ITPK1: variants seen among roughly 807,000 people sequenced by gnomAD.
The protein encoded by ITPK1 is inositol-tetrakisphosphate 1-kinase, also known as inositol 1,3,4-trisphosphate 5/6-kinase.
ITPK1 carries 21 observed loss-of-function variants against 45.3 expected under a neutral mutation model. The ratio of observed to expected loss-of-function variants is 0.46; its 90% CI spans 0.33 to 0.67. The LOEUF (loss-of-function observed/expected upper bound fraction) is 0.67. Among genes scored for constraint, ITPK1 ranks in the 30% least tolerant of loss-of-function variants. ITPK1 has a pLI of 0.02. For synonymous variants in ITPK1, 258 were observed against 253.6 expected (o/e 1.02, Z -0.16); for missense variants, 474 against 573.5 (o/e 0.83, Z 1.77).
intron 3 of ITPK1, among the ~76,000 whole-genome samples, chr14:93,042,242 C>G (rs1889590252): frequency 6.6e-6 from 1 of 152,222 alleles, no homozygotes. Flanking sequence ...CACGTTTTCT[C>G]TACTCCGCCA....
Position 92,939,728 on chromosome 14 carries a change from A to AC in ITPK1, c.*1832dup. ...AACACAGCCAGGAGTCACGCTGCAC[A>AC]CCCCCACCCGTACCTGAGGCAGACT... On this transcript the variant is annotated 3_prime_UTR_variant, in exon 11 of 11. Coordinates refer to ENST00000267615, the MANE Select transcript of ITPK1 (RefSeq NM_014216.6). 1.0e-6 allele frequency: 1 copy of AC among 985,238 alleles called. No homozygotes were observed. The highest frequency in any genetic ancestry group is 1.2e-6 in the Non-Finnish European group (1 of 829,902). The allele number at this position is 985,238 out of a possible 1,614,324, so 61.0% of individuals were successfully genotyped here.
intron 4 of ITPK1, among the ~76,000 whole-genome samples, chr14:92,995,878 CCT>C (rs886325438): frequency 2.6e-5 from 4 of 152,226 alleles, no homozygotes; most frequent in African/African-American, 9.6e-5. Flanking sequence ...ACACCCAGTG[CCT>C]CTCTCCTGAC....
chr14:93,086,087 C>A (rs1022834613), intron 2 of ITPK1, among the ~76,000 whole-genome samples: 1 of 152,116 alleles, frequency 6.6e-6, no homozygotes, highest in African/African-American at 2.4e-5. Flanking sequence ...CATTTAGTAT[C>A]AGCCTAATGA....
intron 2 of ITPK1, among the ~76,000 whole-genome samples, chr14:93,104,469 A>G (rs909796151): frequency 6.6e-6 from 1 of 152,156 alleles, no homozygotes; most frequent in African/African-American, 2.4e-5. Context: ...TCTCAAAAAA[A>G]AAAAGAACAG....
chr14:93,098,224 A>C (rs1463781742), intron 2 of ITPK1, among the ~76,000 whole-genome samples: 2 of 152,142 alleles, frequency 1.3e-5, no homozygotes, highest in Admixed American at 1.3e-4. Context: ...TGGGAGGCCA[A>C]GACAGGCAGA....
chr14:93,034,605 C>A lies in ITPK1; in HGVS notation c.121-17804G>T, dbSNP rs1451587415. Reference sequence around the variant, plus strand: ...CTGAGCTGCCTGGGGGCCCCTGGGACCTCCCACATCCTGCATGAAGGTGGG... The same window carrying A: ...CTGAGCTGCCTGGGGGCCCCTGGGAACTCCCACATCCTGCATGAAGGTGGG... On this transcript the variant is annotated intron_variant, in intron 3 of 10. Coordinates refer to ENST00000267615, the MANE Select transcript of ITPK1 (RefSeq NM_014216.6). This position sits in a 1 kb window ranked among gnomAD's most constrained non-coding sequence, Gnocchi z 4.1. 6.6e-6 allele frequency among the ~76,000 whole-genome samples: 1 copy of A among 152,166 alleles called. No individual in the cohort carries two copies. Among genetic ancestry groups the A allele is most frequent in the East Asian group, 1.9e-4 (1 of 5,178 alleles).
chr14:92,968,736 C>T lies in ITPK1; in HGVS notation c.365-5887G>A, dbSNP rs563369946. 1.2e-4 allele frequency among the ~76,000 whole-genome samples: 18 copies of T among 152,338 alleles called. No homozygotes were observed. The South Asian group carries it at 3.1e-3, about 26-fold the overall frequency. On this transcript the variant is annotated intron_variant, in intron 5 of 10. Transcript: ENST00000267615. ...ATTGGGTGGCCAGGAAAGGTCTGCA[C>T]GGTCATTCTTGTTCATTCGTCCCAG...
intron 7 of ITPK1, among the ~76,000 whole-genome samples, chr14:92,960,224 G>A (rs1351515974): frequency 6.6e-6 from 1 of 152,190 alleles, no homozygotes; most frequent in African/African-American, 2.4e-5. Context: ...CTGGAGCCAG[G>A]CGGCTAGAAT....
chr14:93,051,770 C>T (rs1002159069), intron 3 of ITPK1, among the ~76,000 whole-genome samples: 3 of 152,224 alleles, frequency 2.0e-5, no homozygotes, highest in Non-Finnish European at 2.9e-5. Context: ...CCACCCTGTG[C>T]CTCCAAATGT....
At chr14:93,037,795 G>A (rs1406032791) in intron 3 of ITPK1, among the ~76,000 whole-genome samples, 1 of 152,250 alleles carries the variant, frequency 6.6e-6, no homozygotes, top group East Asian at 1.9e-4. Flanking sequence ...AAGTAATACA[G>A]CTTTTCAAAA....
At position 93,016,544 on chromosome 14, in the gene ITPK1, G is replaced by A; in HGVS notation, c.246+132C>T. ...CTGCCCACGAGCCCATGTCTTGCCA[G>A]TGGCAGAGCCATTTCTCCAGACTAT... On this transcript the variant is annotated intron_variant, in intron 4 of 10. Transcript: ENST00000267615. The surrounding 1 kb of genome is among the most constrained non-coding windows in gnomAD (Gnocchi z 5.0). The A allele has an allele frequency of 9.6e-7, 1 of 1,037,904 alleles. No homozygotes were observed. Among genetic ancestry groups the A allele is most frequent in the Non-Finnish European group, 1.4e-6 (1 of 708,354 alleles). 64.3% of individuals were successfully genotyped at this position (1,037,904 alleles called of 1,614,324 possible).
chr14:93,008,996 C>G (rs964988921), intron 4 of ITPK1, among the ~76,000 whole-genome samples: 10 of 152,148 alleles, frequency 6.6e-5, no homozygotes, highest in African/African-American at 2.4e-4. Flanking sequence ...CCATCTCTTA[C>G]AAAATGCAGT....
At chr14:93,023,867 C>G (rs192905991) in intron 3 of ITPK1, among the ~76,000 whole-genome samples, 238 of 152,280 alleles carry the variant, frequency 1.6e-3, no homozygotes, top group African/African-American at 5.6e-3. Flanking sequence ...TCCCCTCAAC[C>G]TGCCAGATGA....
Position 92,958,456 on chromosome 14 carries a change from C to T in ITPK1, c.505-90G>A. 7.9e-7 allele frequency: 1 copy of T among 1,259,846 alleles called. No individual in the cohort carries two copies. Among genetic ancestry groups the T allele is most frequent in the South Asian group, 1.3e-5 (1 of 74,916 alleles). 78.0% of individuals were successfully genotyped at this position (1,259,846 alleles called of 1,614,324 possible). The stretch of plus-strand genomic sequence containing the variant: ...GTGTGTCACCTGTCCAGAGCACCTC[C>T]ACCAAGGCCCATCCCTGGTCCTGTG... On this transcript the variant is annotated intron_variant, in intron 7 of 10. Coordinates refer to ENST00000267615, the MANE Select transcript of ITPK1 (RefSeq NM_014216.6). This position sits in a 1 kb window ranked among gnomAD's most constrained non-coding sequence, Gnocchi z 4.4.
At chr14:92,951,006 C>G (rs1206448034) in intron 9 of ITPK1, among the ~76,000 whole-genome samples, 4 of 152,246 alleles carry the variant, frequency 2.6e-5, no homozygotes, top group Non-Finnish European at 4.4e-5. Flanking sequence ...GACAGACAGA[C>G]AGGCCATCTG....
Position 93,016,883 on chromosome 14 carries a change from A to C in ITPK1, c.121-82T>G. 1 of 1,568,114 alleles carries C rather than the reference A, an allele frequency of 6.4e-7. No homozygotes were observed. The highest frequency in any genetic ancestry group is 8.7e-7 in the Non-Finnish European group (1 of 1,154,928). ...CCCATCCTCTTGTCCACCCTGGGGCATATCACCAGAGGACCCTCGAGCCTC... is the reference window on the plus strand; with the variant it reads ...CCCATCCTCTTGTCCACCCTGGGGCCTATCACCAGAGGACCCTCGAGCCTC... On this transcript the variant is annotated intron_variant, in intron 3 of 10. Transcript: ENST00000267615. The surrounding 1 kb of genome is among the most constrained non-coding windows in gnomAD (Gnocchi z 5.0).
At chr14:93,019,606 G>A (rs568547137) in intron 3 of ITPK1, among the ~76,000 whole-genome samples, 1 of 152,328 alleles carries the variant, frequency 6.6e-6, no homozygotes, top group South Asian at 2.1e-4. Flanking sequence ...AGGGCTGCTG[G>A]CAGCTCTAGT....
At chr14:92,966,758 G>C (rs1217246017) in intron 5 of ITPK1, among the ~76,000 whole-genome samples, 1 of 152,236 alleles carries the variant, frequency 6.6e-6, no homozygotes, top group Non-Finnish European at 1.5e-5. Flanking sequence ...CAGATCAATG[G>C]AATAGAACAG....
At chr14:93,092,258 A>C (rs546499982) in intron 2 of ITPK1, among the ~76,000 whole-genome samples, 2 of 152,242 alleles carry the variant, frequency 1.3e-5, no homozygotes, top group South Asian at 4.1e-4. Flanking sequence ...CACGCCAAAG[A>C]TGCAAAATCG....
Sources: allele counts gnomAD v4.1 joint callset (sites outside exome capture counted in the v4.1 genomes callset), GRCh38; gene constraint gnomAD v4.1.1; non-coding constraint Gnocchi (gnomAD v3.1); transcripts MANE v1.5; gene names NCBI Gene and HGNC (gene_info 2026-07-23, HGNC 2026-07-21).